The following IQSEC1 variants were observed in gnomAD, a reference collection of about 807,000 sequenced individuals.
IQSEC1 encodes the protein IQ motif and SEC7 domain-containing protein 1.
Under a neutral mutation model 91.0 loss-of-function variants are expected in IQSEC1, and 31 were observed. The ratio of observed to expected loss-of-function variants is 0.34; its 90% CI spans 0.26 to 0.46. The LOEUF (loss-of-function observed/expected upper bound fraction) is 0.46. IQSEC1 is among the 20% of genes least tolerant of loss of function. The pLI is 1.00. For missense variants in IQSEC1, 1,388 were observed against 1,575.6 expected (o/e 0.88, Z 2.02); for synonymous variants, 699 against 662.6 (o/e 1.05, Z -0.84).
At chr3:13,142,678 G>A (rs946056366) in intron 2 of IQSEC1, among the ~76,000 whole-genome samples, 11 of 152,248 alleles carry the variant, frequency 7.2e-5, no homozygotes, top group East Asian at 1.9e-4. Flanking sequence ...GGTTGAAAAC[G>A]TCAACAGAAC....
intron 2 of IQSEC1, among the ~76,000 whole-genome samples, chr3:12,938,552 G>T (rs983802032): frequency 2.6e-5 from 4 of 152,162 alleles, no homozygotes; most frequent in Admixed American, 1.3e-4. Flanking sequence ...GTTACTGAAC[G>T]CCATCCAAGA....
At chr3:13,168,422 T>C (rs1559268706) in intron 1 of IQSEC1, among the ~76,000 whole-genome samples, 1 of 152,176 alleles carries the variant, frequency 6.6e-6, no homozygotes, top group Non-Finnish European at 1.5e-5. Context: ...TCTATGCCCG[T>C]CTTCCTCACT....
intron 1 of IQSEC1, among the ~76,000 whole-genome samples, chr3:13,071,692 A>G (rs1705432843): frequency 6.6e-6 from 1 of 152,232 alleles, no homozygotes; most frequent in South Asian, 2.1e-4. Context: ...TGAGCATCAC[A>G]GCGAACCAGA....
chr3:12,901,097 C>T lies in IQSEC1; in HGVS notation c.3231G>A (p.Pro1077=), dbSNP rs991441143. ...GCCCCACGTGGGCCGAGGGCAGCGG[C>T]GGGTGGCCGTGGGCATGGGCCCCGT... ...PAYGAHAHGH[P]PLPSAHVGHT... The change falls in exon 14 of 14, where the codon CCG becomes CCA. Residue 1077 remains proline, a synonymous_variant. Coordinates refer to ENST00000613206, the MANE Select transcript of IQSEC1 (RefSeq NM_001134382.3). 72 of 1,531,650 alleles carry T rather than the reference C, an allele frequency of 4.7e-5. No homozygotes were observed. Among genetic ancestry groups the T allele is most frequent in the Admixed American group, 4.6e-4 (23 of 50,304 alleles). The allele number at this position is 1,531,650 out of a possible 1,614,324, so 94.9% of individuals were successfully genotyped here. A position where few individuals can be genotyped will look rare whatever the true frequency, so the allele number is the denominator to read the frequency against.
intron 3 of IQSEC1, among the ~76,000 whole-genome samples, chr3:12,928,197 G>A (rs916057581): frequency 2.6e-5 from 4 of 151,876 alleles, no homozygotes; most frequent in African/African-American, 9.7e-5. Flanking sequence ...TGAGGGCAGA[G>A]GTGTCAATAT....
At chr3:13,167,593 T>TG (rs961302167) in intron 1 of IQSEC1, among the ~76,000 whole-genome samples, 9 of 151,630 alleles carry the variant, frequency 5.9e-5, no homozygotes, top group South Asian at 2.1e-4. Flanking sequence ...TGGTGGCACT[T>TG]GGGGGGGCAA....
intron 1 of IQSEC1, among the ~76,000 whole-genome samples, chr3:13,169,566 A>G (rs1333810693): frequency 6.6e-6 from 1 of 152,238 alleles, no homozygotes; most frequent in East Asian, 1.9e-4. Context: ...GAAAGTTTGG[A>G]ACTTCCTAGA....
chr3:13,268,083 G>A (rs1422405687), intron 1 of IQSEC1, among the ~76,000 whole-genome samples: 1 of 152,200 alleles, frequency 6.6e-6, no homozygotes, highest in Admixed American at 6.5e-5. Context: ...CTGCTAGCAG[G>A]ACCACCCTTT....
intron 2 of IQSEC1, among the ~76,000 whole-genome samples, chr3:13,092,712 C>A (rs1006984995): frequency 2.0e-5 from 3 of 152,180 alleles, no homozygotes; most frequent in Non-Finnish European, 4.4e-5. Flanking sequence ...CCTCTATCAA[C>A]CCCTCTGATG....
intron 1 of IQSEC1, among the ~76,000 whole-genome samples, chr3:13,204,032 C>A (rs1295869699): frequency 6.6e-6 from 1 of 152,242 alleles, no homozygotes; most frequent in African/African-American, 2.4e-5. Context: ...CCCCTTCCCC[C>A]CGCCCATCTG....
chr3:13,103,647 C>T lies in IQSEC1; in HGVS notation c.303-56125G>A, dbSNP rs1229027184. On this transcript the variant is annotated intron_variant, in intron 2 of 15. Transcript: ENST00000648114. The surrounding 1 kb of genome is among the most constrained non-coding windows in gnomAD (Gnocchi z 4.1). ...CAGGATGAGCTTCACATGCAGCACG[C>T]ACTGGGGGTCTGGCTGGCAGGGGAG... 3.3e-5 allele frequency among the ~76,000 whole-genome samples: 5 copies of T among 152,100 alleles called. No homozygotes were observed. The highest frequency in any genetic ancestry group is 1.2e-4 in the African/African-American group (5 of 41,410).
intron 2 of IQSEC1, among the ~76,000 whole-genome samples, chr3:13,152,436 C>T (rs1172074408): frequency 6.6e-6 from 1 of 152,190 alleles, no homozygotes; most frequent in East Asian, 1.9e-4. Context: ...CTGTAGAAAC[C>T]ATGGAGCTCT....
intron 1 of IQSEC1, among the ~76,000 whole-genome samples, chr3:13,064,178 C>T (rs752656080): frequency 2.6e-5 from 4 of 152,112 alleles, no homozygotes; most frequent in Non-Finnish European, 5.9e-5. Flanking sequence ...ATACATGATA[C>T]GCCTGCATAG....
intron 2 of IQSEC1, among the ~76,000 whole-genome samples, chr3:13,135,685 C>T (rs547000349): frequency 4.3e-4 from 65 of 152,294 alleles, no homozygotes; most frequent in East Asian, 3.5e-3. Context: ...TCGACACAGA[C>T]GCCTCACTGT....
chr3:13,275,840 T>C (rs1056978997), intron 1 of IQSEC1, among the ~76,000 whole-genome samples: 1 of 152,136 alleles, frequency 6.6e-6, no homozygotes, highest in African/African-American at 2.4e-5. Flanking sequence ...GGCAGTCGGG[T>C]GCAGGCAGTG....
chr3:12,900,550 T>G lies in IQSEC1; in HGVS notation c.*433A>C. On this transcript the variant is annotated 3_prime_UTR_variant, in exon 14 of 14. Coordinates refer to ENST00000613206, the MANE Select transcript of IQSEC1 (RefSeq NM_001134382.3). ...GGTCTACTTATTTTTTTGCCCATTG[T>G]CAATAAAAGAGCAATAATGCAGCAA... 1.0e-6 allele frequency: 1 copy of G among 989,054 alleles called. No homozygotes were observed. The highest frequency in any genetic ancestry group is 1.2e-6 in the Non-Finnish European group (1 of 831,520). The allele number at this position is 989,054 out of a possible 1,614,324, so 61.3% of individuals were successfully genotyped here.
chr3:13,073,310 C>T lies in IQSEC1; in HGVS notation c.-296G>A, dbSNP rs1331523000. ...CGCCAGGCTGGGCGGGGGCGTCCAC[C>T]TCGCTGCTACCTGGGCCCACCTTGG... is the stretch of plus-strand genomic sequence containing the variant. On this transcript the variant is annotated 5_prime_UTR_variant, in exon 1 of 14. Transcript: ENST00000613206. Among the ~76,000 whole-genome samples the T allele has an allele frequency of 1.3e-5, 2 of 152,234 alleles. No homozygotes were observed. The highest frequency in any genetic ancestry group is 2.4e-5 in the African/African-American group (1 of 41,458).
intron 1 of IQSEC1, among the ~76,000 whole-genome samples, chr3:13,017,100 A>G (rs1489327113): frequency 6.6e-6 from 1 of 152,162 alleles, no homozygotes; most frequent in Non-Finnish European, 1.5e-5. Context: ...CTATGGACAG[A>G]CCACATTGTG....
In IQSEC1 at chr3:12,983,108, T is replaced by G. The variant is rs955383213; in HGVS notation, c.24-41243A>C. 6.6e-6 allele frequency among the ~76,000 whole-genome samples: 1 copy of G among 152,100 alleles called. No individual in the cohort carries two copies. Among genetic ancestry groups the G allele is most frequent in the African/African-American group, 2.4e-5 (1 of 41,416 alleles). On this transcript the variant is annotated intron_variant, in intron 1 of 13. Coordinates refer to ENST00000613206, the MANE Select transcript of IQSEC1 (RefSeq NM_001134382.3). This position sits in a 1 kb window ranked among gnomAD's most constrained non-coding sequence, Gnocchi z 4.3. Reference sequence around the variant, plus strand: ...AGGGCCTTCCCCACTGTAACTCACTTGCACCTGCCCCTCCTATGAGACAGG... The same window carrying G: ...AGGGCCTTCCCCACTGTAACTCACTGGCACCTGCCCCTCCTATGAGACAGG...
Sources: gnomAD v4.1 joint callset for allele counts (sites outside exome capture counted in the v4.1 genomes callset) on GRCh38, gnomAD v4.1.1 for gene constraint, Gnocchi (gnomAD v3.1) non-coding constraint, MANE v1.5 for transcripts, NCBI Gene and HGNC (gene_info 2026-07-23, HGNC 2026-07-21) for gene names.